Variants in CYP26B1 observed in about 807,000 individuals in gnomAD.
CYP26B1 encodes the protein cytochrome P450 family 26 subfamily B member 1.
A neutral mutation model predicts 39.1 loss-of-function variants in CYP26B1; 8 were observed. That is an observed-to-expected ratio of 0.20 (90% CI 0.12 to 0.37). CYP26B1 has a LOEUF of 0.37. Among genes scored for constraint, CYP26B1 ranks in the 10% least tolerant of loss-of-function variants. The pLI, the probability that CYP26B1 is intolerant of heterozygous loss-of-function variation, is 1.00. For missense variants in CYP26B1, 615 were observed against 707.0 expected (o/e 0.87, Z 1.48); for synonymous variants, 321 against 314.3 (o/e 1.02, Z -0.23).
At position 72,144,144 on chromosome 2, in the gene CYP26B1, G is replaced by C. The variant is rs767244001; in HGVS notation, c.274C>G (p.Pro92Ala). 6.2e-7 allele frequency: 1 copy of C among 1,610,802 alleles called. No homozygotes were observed. The highest frequency in any genetic ancestry group is 2.2e-5 in the East Asian group (1 of 44,736). The change falls in exon 2 of 6, where the codon CCG becomes GCG. Residue 92 changes from proline (P) to alanine (A), a missense_variant. Physicochemically the swap from Pro to Ala is conservative, Grantham distance 27. Coordinates refer to ENST00000001146, the MANE Select transcript of CYP26B1 (RefSeq NM_019885.4). Reference sequence around the variant, plus strand: ...TCCGCGCCGGTCACGCGTATCAGCGGCCGCCCCAACAAATGCGTCTTGAAC... The same window carrying C: ...TCCGCGCCGGTCACGCGTATCAGCGCCCGCCCCAACAAATGCGTCTTGAAC... ...NVFKTHLLGR[P>A]LIRVTGAENV... is the part of the protein sequence containing the mutation.
At chr2:72,140,234 C>A (rs1437086131) in intron 2 of CYP26B1, among the ~76,000 whole-genome samples, 7 of 152,214 alleles carry the variant, frequency 4.6e-5, no homozygotes, top group African/African-American at 1.7e-4. Flanking sequence ...GGCCGCCCAC[C>A]CTCCCGCTGC....
rs780839308 is a variant in CYP26B1 at position 72,133,115 on chromosome 2, G to A, written c.1054C>T (p.Arg352Cys). The change falls in exon 5 of 6, where the codon CGC becomes TGC. Residue 352 changes from arginine (R) to cysteine (C), a missense_variant. Physicochemically the swap from Arg to Cys is radical, Grantham distance 180 (BLOSUM62 -3). Transcript: ENST00000001146. ...TCCTTGATGACGCAGTCCAGGTAGC[G>A]CAGCCCACTGAGCGTGTCCAGGCGC... Reference protein sequence around the residue: ...TLRLDTLSGLRYLDCVIKEVM... With the variant: ...TLRLDTLSGLCYLDCVIKEVM... 4.3e-6 allele frequency: 7 copies of A among 1,613,134 alleles called. No homozygotes were observed. Among genetic ancestry groups the A allele is most frequent in the Middle Eastern group, 1.7e-4 (1 of 6,052 alleles).
chr2:72,135,223 T>C lies in CYP26B1; in HGVS notation c.626A>G (p.His209Arg). The C allele has an allele frequency of 1.2e-6, 2 of 1,613,892 alleles. No individual in the cohort carries two copies. The highest frequency in any genetic ancestry group is 1.7e-6 in the Non-Finnish European group (2 of 1,179,970). Residue 209 changes from histidine to arginine, a missense_variant, in exon 3 of 6, where the codon CAC becomes CGC. By Grantham distance (29) the His-to-Arg change is conservative. Transcript: ENST00000001146. ...GFSIPEEDLG[H>R]LFEVYQQFVD... ...AAACTGCTGGTAGACCTCAAAGAGGTGCCCAAGGTCCTCCTCAGGGATGCT... is the reference window on the plus strand; with the variant it reads ...AAACTGCTGGTAGACCTCAAAGAGGCGCCCAAGGTCCTCCTCAGGGATGCT...
Position 72,133,107 on chromosome 2 carries a change from C to T in CYP26B1, c.1062G>A (p.Leu354=). The stretch of plus-strand genomic sequence containing the variant: ...GCATGACCTCCTTGATGACGCAGTC[C>T]AGGTAGCGCAGCCCACTGAGCGTGT... The part of the protein sequence containing the change: ...RLDTLSGLRY[L]DCVIKEVMRL... Residue 354 remains leucine, a synonymous_variant, in exon 5 of 6, where the codon CTG becomes CTA. Coordinates refer to ENST00000001146, the MANE Select transcript of CYP26B1 (RefSeq NM_019885.4). The T allele has an allele frequency of 6.2e-7, 1 of 1,613,160 alleles. No homozygotes were observed. Among genetic ancestry groups the T allele is most frequent in the Non-Finnish European group, 8.5e-7 (1 of 1,179,988 alleles).
intron 1 of CYP26B1, among the ~76,000 whole-genome samples, chr2:72,146,728 G>A (rs1259454915): frequency 6.6e-6 from 1 of 152,210 alleles, no homozygotes; most frequent in Non-Finnish European, 1.5e-5. Context: ...AGTTACTGCA[G>A]AGGCGCTCCG....
At position 72,131,909 on chromosome 2, in the gene CYP26B1, A is replaced by G; in HGVS notation, c.*318T>C. ...AACGGAGGGAAGGGAGCAGTTCAGA[A>G]CATCACAAAAACACTGTAGCACGCG... On this transcript the variant is annotated 3_prime_UTR_variant, in exon 6 of 6. Transcript: ENST00000001146. The G allele has an allele frequency of 2.4e-6, 1 of 419,190 alleles. No individual in the cohort carries two copies. The highest frequency in any genetic ancestry group is 6.9e-4 in the Middle Eastern group (1 of 1,446). The allele number at this position is 419,190 out of a possible 1,614,324, so 26.0% of individuals were successfully genotyped here.
chr2:72,138,713 G>C (rs2104070202), intron 2 of CYP26B1, among the ~76,000 whole-genome samples: 1 of 152,138 alleles, frequency 6.6e-6, no homozygotes, highest in East Asian at 1.9e-4. Context: ...CGCATGTCCA[G>C]GTTTACCTGC....
rs1353220349 is a variant in CYP26B1 at position 72,130,943 on chromosome 2, T to A, written c.*1284A>T. ...TTTCGCCTCTTCCCCACCCCTGAGC[T>A]GGGCTAAGCAGACAGTGGCATAGAG... On this transcript the variant is annotated 3_prime_UTR_variant, in exon 6 of 6. Transcript: ENST00000001146. 1 of 152,552 alleles carries A rather than the reference T, an allele frequency of 6.6e-6. No individual in the cohort carries two copies. The highest frequency in any genetic ancestry group is 1.9e-4 in the East Asian group (1 of 5,176). 9.4% of individuals were successfully genotyped at this position (152,552 alleles called of 1,614,324 possible).
intron 1 of CYP26B1, among the ~76,000 whole-genome samples, chr2:72,145,530 G>A (rs974922625): frequency 2.0e-5 from 3 of 152,210 alleles, no homozygotes; most frequent in African/African-American, 7.2e-5. Flanking sequence ...CTAGGCGGAG[G>A]TGGGGTGCGA....
rs1042808182 is a variant in CYP26B1 at position 72,130,084 on chromosome 2, CT to C, written c.*2142del. 6.6e-6 allele frequency: 1 copy of C among 152,380 alleles called. No homozygotes were observed. The highest frequency in any genetic ancestry group is 3.4e-3 in the Middle Eastern group (1 of 296). The allele number at this position is 152,380 out of a possible 1,614,324, so 9.4% of individuals were successfully genotyped here. A position where few individuals can be genotyped will look rare whatever the true frequency, so the allele number is the denominator to read the frequency against. ...CTGAGACCTCCCAGCCCCATGCCCC[CT>C]GCCCCTCACCTGGACCAGACCCAGT... On this transcript the variant is annotated 3_prime_UTR_variant, in exon 6 of 6. Transcript: ENST00000001146.
intron 2 of CYP26B1, 73 bp downstream of exon 2, chr2:72,143,916 C>T: frequency 5.2e-6 from 8 of 1,553,154 alleles, no homozygotes; most frequent in Non-Finnish European, 5.3e-6. Flanking sequence ...AGGGGACATT[C>T]CCCGGGCTCC....
intron 1 of CYP26B1, among the ~76,000 whole-genome samples, chr2:72,146,347 G>T (rs1314797730): frequency 7.5e-6 from 1 of 134,032 alleles, no homozygotes; most frequent in East Asian, 2.4e-4. Flanking sequence ...AGGCTCTGGG[G>T]ATTTCTTTGC....
Position 72,135,303 on chromosome 2 carries a change from G to A in CYP26B1, c.546C>T (p.Tyr182=). The change falls in exon 3 of 6, where the codon TAC becomes TAT. Residue 182 remains tyrosine (Y), a synonymous_variant. Transcript: ENST00000001146. ...GGAAGGTCAGCTTCTGCGCCTCCTG[G>A]TACACGTTGATGGCCTCGGGGTGGC... The part of the protein sequence containing the change: ...WSSHPEAINV[Y]QEAQKLTFRM... The A allele has an allele frequency of 6.2e-7, 1 of 1,614,072 alleles. No individual in the cohort carries two copies.
chr2:72,144,638 AT>A, intron 1 of CYP26B1: 1 of 284,676 alleles, frequency 3.5e-6, no homozygotes, highest in Non-Finnish European at 5.3e-6. Flanking sequence ...GCCAAAGATT[AT>A]TTATAGCGGT....
chr2:72,132,215 G>A lies in CYP26B1; in HGVS notation c.*12C>T, dbSNP rs369986598. ...CGCTGCCTGGGCTGGGCTGAGGCGG[G>A]TGGGTCTTGGGTTAGACTGTGGCGC... On this transcript the variant is annotated 3_prime_UTR_variant, in exon 6 of 6. Transcript: ENST00000001146. 91 of 1,595,844 alleles carry A rather than the reference G, an allele frequency of 5.7e-5. No homozygotes were observed. The highest frequency in any genetic ancestry group is 6.8e-5 in the Non-Finnish European group (80 of 1,172,044).
chr2:72,134,742 G>GT lies in CYP26B1; in HGVS notation c.861+18_861+19insA. The GT allele has an allele frequency of 6.2e-7, 1 of 1,607,778 alleles. No homozygotes were observed. Among genetic ancestry groups the GT allele is most frequent in the Non-Finnish European group, 8.5e-7 (1 of 1,176,992 alleles). The stretch of plus-strand genomic sequence containing the variant: ...CCTGGGTGCTGGTGCTGCCCGTGAG[G>GT]GGCACACGCCCACCCCACCTTCAGC... On this transcript the variant is annotated intron_variant, in intron 4 of 5. Transcript: ENST00000001146.
At chr2:72,132,824 C>T (rs1313186905) in intron 5 of CYP26B1, among the ~76,000 whole-genome samples, 199 bp downstream of exon 5, 1 of 152,260 alleles carries the variant, frequency 6.6e-6, no homozygotes, top group Non-Finnish European at 1.5e-5. Context: ...GCACATGTGA[C>T]TTCACATATG....
chr2:72,132,353 G>C lies in CYP26B1; in HGVS notation c.1413C>G (p.Phe471Leu), dbSNP rs764995614. 21 of 1,611,014 alleles carry C rather than the reference G, an allele frequency of 1.3e-5. No homozygotes were observed. The highest frequency in any genetic ancestry group is 2.2e-5 in the East Asian group (1 of 44,772). ...GGACGGGGACCAAGGTGATGCGGGG[G>C]AAGGTCCGTGTGGCCAGCTCAAAGC... ...TSRFELATRTFPRITLVPVLH... is the reference protein window; with the variant it reads ...TSRFELATRTLPRITLVPVLH... Residue 471 changes from phenylalanine to leucine, a missense_variant, in exon 6 of 6, where the codon TTC becomes TTG. Physicochemically the swap from Phe to Leu is conservative, Grantham distance 22. Transcript: ENST00000001146.
In CYP26B1 at chr2:72,131,726, C is replaced by G. The variant is rs1394604142; in HGVS notation, c.*501G>C. ...GGAAGGGCAATCTCCAGGTTGGACG[C>G]AGCCCCCGCCCCGCCAAGGTTGACT... On this transcript the variant is annotated 3_prime_UTR_variant, in exon 6 of 6. Transcript: ENST00000001146. 6.3e-6 allele frequency: 1 copy of G among 157,578 alleles called. No homozygotes were observed. Among genetic ancestry groups the G allele is most frequent in the Admixed American group, 6.3e-5 (1 of 15,944 alleles). The allele number at this position is 157,578 out of a possible 1,614,324, so 9.8% of individuals were successfully genotyped here. A position where few individuals can be genotyped will look rare whatever the true frequency, so the allele number is the denominator to read the frequency against.
Sources: gnomAD v4.1 joint callset for allele counts (sites outside exome capture counted in the v4.1 genomes callset) on GRCh38, gnomAD v4.1.1 for gene constraint, MANE v1.5 for transcripts, NCBI Gene and HGNC (gene_info 2026-07-23, HGNC 2026-07-21) for gene names.